The following PDZRN4 variants were observed in gnomAD, a reference collection of about 807,000 sequenced individuals.
The protein encoded by PDZRN4 is PDZ domain-containing RING finger protein 4.
In PDZRN4, 70 loss-of-function variants were observed where a neutral mutation model predicts 99.0. The observed-to-expected ratio is 0.71, with a 90% CI of 0.58 to 0.86. PDZRN4 has a LOEUF of 0.86. Ranked by LOEUF, PDZRN4 falls within the 40% of genes least tolerant of loss-of-function variation. PDZRN4 has a pLI of 0.00. For synonymous variants in PDZRN4, 551 were observed against 501.6 expected (o/e 1.10, Z -1.32); for missense variants, 1,474 against 1,331.2 (o/e 1.11, Z -1.67).
chr12:41,455,886 T>C (rs942752425), intron 3 of PDZRN4, among the ~76,000 whole-genome samples: 2 of 152,214 alleles, frequency 1.3e-5, no homozygotes, highest in Non-Finnish European at 1.5e-5. Flanking sequence ...AAATCCTAAT[T>C]AGGGAACCAT....
chr12:41,383,998 T>A (rs1952146316), intron 3 of PDZRN4, among the ~76,000 whole-genome samples: 1 of 21,542 alleles, frequency 4.6e-5, no homozygotes, highest in South Asian at 1.6e-3. Context: ...TTTTTTTTTT[T>A]TTTTTTTTTT....
At chr12:41,252,696 G>A (rs964267250) in intron 3 of PDZRN4, among the ~76,000 whole-genome samples, 1 of 151,440 alleles carries the variant, frequency 6.6e-6, no homozygotes, top group Non-Finnish European at 1.5e-5. Flanking sequence ...GTTGAGATTG[G>A]GCCACTGCAC....
At chr12:41,378,065 T>C (rs189364959) in intron 3 of PDZRN4, among the ~76,000 whole-genome samples, 1 of 152,304 alleles carries the variant, frequency 6.6e-6, no homozygotes, top group African/African-American at 2.4e-5. Flanking sequence ...TTCCTGATCT[T>C]AAAAGAATTC....
At chr12:41,195,782 T>C (rs1003638453) in intron 3 of PDZRN4, among the ~76,000 whole-genome samples, 1 of 152,176 alleles carries the variant, frequency 6.6e-6, no homozygotes, top group African/African-American at 2.4e-5. Flanking sequence ...ATGTGCACAG[T>C]ATGATCTAAA....
intron 3 of PDZRN4, among the ~76,000 whole-genome samples, chr12:41,323,199 A>G (rs1267792346): frequency 3.3e-5 from 5 of 152,188 alleles, no homozygotes; most frequent in Non-Finnish European, 7.3e-5. Flanking sequence ...TGCAGCTTCA[A>G]ATTGACAGGA....
intron 3 of PDZRN4, among the ~76,000 whole-genome samples, chr12:41,504,204 G>T (rs1938164978): frequency 6.6e-6 from 1 of 152,108 alleles, no homozygotes; most frequent in South Asian, 2.1e-4. Context: ...GGAGGCGGAG[G>T]TTATGGTGAG....
chr12:41,193,818 C>T (rs1032920815), intron 2 of PDZRN4, among the ~76,000 whole-genome samples: 1 of 152,142 alleles, frequency 6.6e-6, no homozygotes, highest in East Asian at 1.9e-4. Context: ...CTTGTACATG[C>T]CCTTTCCCAT....
At position 41,254,273 on chromosome 12, in the gene PDZRN4, T is replaced by C. The variant is rs184749374; in HGVS notation, c.843+60085T>C. Among the ~76,000 whole-genome samples, 82 of 152,276 alleles carry C rather than the reference T, an allele frequency of 5.4e-4. No homozygotes were observed. In the East Asian group the frequency reaches 6.0e-3, roughly 11 times the overall value. On this transcript the variant is annotated intron_variant, in intron 3 of 9. Transcript: ENST00000402685. ...ATTTAGCATAGTGAAGATATTACACTAAACACTTTATATGCATGATATTAT... is the reference window on the plus strand; with the variant it reads ...ATTTAGCATAGTGAAGATATTACACCAAACACTTTATATGCATGATATTAT...
rs532388784 is a variant in PDZRN4 at position 41,217,605 on chromosome 12, G to T, written c.843+23417G>T. 7.9e-5 allele frequency among the ~76,000 whole-genome samples: 12 copies of T among 152,186 alleles called. No individual in the cohort carries two copies. In the East Asian group the frequency reaches 2.3e-3, roughly 30 times the overall value. On this transcript the variant is annotated intron_variant, in intron 3 of 9. Coordinates refer to ENST00000402685, the MANE Select transcript of PDZRN4 (RefSeq NM_001164595.2). ...TATATTTGAAACAGTCAACAAAGAC[G>T]TAGGTAGGTCTGATTGTTAAAAATC... is the stretch of plus-strand genomic sequence containing the variant.
intron 3 of PDZRN4, among the ~76,000 whole-genome samples, chr12:41,292,862 G>A (rs1442208734): frequency 6.6e-6 from 1 of 151,966 alleles, no homozygotes; most frequent in South Asian, 2.1e-4. Context: ...AATTGGCTAA[G>A]GGTTTTAATA....
chr12:41,536,939 G>A (rs1380405575), intron 5 of PDZRN4, among the ~76,000 whole-genome samples: 1 of 152,024 alleles, frequency 6.6e-6, no homozygotes, highest in Non-Finnish European at 1.5e-5. Context: ...AATACCTACT[G>A]GCAAATATGA....
intron 3 of PDZRN4, among the ~76,000 whole-genome samples, chr12:41,233,676 A>C (rs1951045662): frequency 6.6e-6 from 1 of 152,068 alleles, no homozygotes; most frequent in South Asian, 2.1e-4. Context: ...TTCTCAGCAA[A>C]CTATTGCAAG....
At chr12:41,321,999 G>A (rs537331731) in intron 3 of PDZRN4, among the ~76,000 whole-genome samples, 3 of 151,976 alleles carry the variant, frequency 2.0e-5, no homozygotes, top group South Asian at 4.2e-4. Flanking sequence ...ACACACCTCT[G>A]GGCTGGTGCA....
intron 3 of PDZRN4, among the ~76,000 whole-genome samples, chr12:41,279,766 A>G (rs1951371391): frequency 6.6e-6 from 1 of 152,240 alleles, no homozygotes; most frequent in Non-Finnish European, 1.5e-5. Context: ...GGAGATAATT[A>G]TAGTAGTATT....
At chr12:41,487,802 T>C (rs1157504144) in intron 3 of PDZRN4, among the ~76,000 whole-genome samples, 1 of 152,196 alleles carries the variant, frequency 6.6e-6, no homozygotes, top group Non-Finnish European at 1.5e-5. Context: ...CCACCCTTAA[T>C]GAGGAAAGAT....
intron 3 of PDZRN4, among the ~76,000 whole-genome samples, chr12:41,275,695 A>G (rs1306068202): frequency 6.6e-6 from 1 of 152,168 alleles, no homozygotes; most frequent in African/African-American, 2.4e-5. Context: ...GGATTATTAC[A>G]TATAAGGCTA....
At chr12:41,279,628 C>T (rs1951370857) in intron 3 of PDZRN4, among the ~76,000 whole-genome samples, 1 of 152,076 alleles carries the variant, frequency 6.6e-6, no homozygotes, top group Non-Finnish European at 1.5e-5. Flanking sequence ...GACCTGGCTC[C>T]AGTCTGTGTG....
chr12:41,272,095 T>A (rs1951318262), intron 3 of PDZRN4, among the ~76,000 whole-genome samples: 1 of 151,738 alleles, frequency 6.6e-6, no homozygotes, highest in Admixed American at 6.6e-5. Flanking sequence ...GCAAAAAAAA[T>A]TTAACTTGTT....
chr12:41,381,897 G>A (rs568724818), intron 3 of PDZRN4, among the ~76,000 whole-genome samples: 48 of 152,268 alleles, frequency 3.2e-4, no homozygotes, highest in Non-Finnish European at 5.0e-4. Context: ...AGTTCAACCT[G>A]TGCTTCTGGA....
Sources: gnomAD v4.1 joint callset for allele counts (sites outside exome capture counted in the v4.1 genomes callset) on GRCh38, gnomAD v4.1.1 for gene constraint, MANE v1.5 for transcripts, NCBI Gene and HGNC (gene_info 2026-07-23, HGNC 2026-07-21) for gene names.